ZBTB40: variants seen among roughly 807,000 people sequenced by gnomAD.
ZBTB40 encodes the protein zinc finger and BTB domain-containing protein 40.
In ZBTB40, 60 loss-of-function variants were observed where a neutral mutation model predicts 117.5. That is an observed-to-expected ratio of 0.51 (90% CI 0.41 to 0.63). ZBTB40 has a LOEUF of 0.63. ZBTB40 is among the 30% of genes least tolerant of loss of function. The pLI, the probability that ZBTB40 is intolerant of heterozygous loss-of-function variation, is 0.00. For missense variants in ZBTB40, 1,287 were observed against 1,498.5 expected, an observed-to-expected ratio of 0.86 and a Z score of 2.33; for synonymous variants, 525 against 577.1, an observed-to-expected ratio of 0.91 and a Z score of 1.29.
chr1:22,500,678 A>C (rs749609695), intron 3 of ZBTB40, among the ~76,000 whole-genome samples: 13 of 152,222 alleles, frequency 8.5e-5, no homozygotes, highest in Non-Finnish European at 1.3e-4. Context: ...AGCCAGAGGC[A>C]AGGCTTGTTG....
intron 1 of ZBTB40, among the ~76,000 whole-genome samples, chr1:22,480,654 T>C (rs1638277833): frequency 6.6e-6 from 1 of 152,168 alleles, no homozygotes; most frequent in Non-Finnish European, 1.5e-5. Context: ...CCTGCCCTTT[T>C]CTGTGTTTTT....
intron 1 of ZBTB40, among the ~76,000 whole-genome samples, chr1:22,468,473 T>C (rs934279182): frequency 2.5e-5 from 3 of 118,284 alleles, no homozygotes; most frequent in Non-Finnish European, 3.5e-5. Context: ...TCCTTTTTTT[T>C]TTTTTTTTTT....
In ZBTB40 at chr1:22,526,841, G is replaced by A. The variant is rs537282890; in HGVS notation, c.*445G>A. The A allele has an allele frequency of 3.6e-6, 1 of 281,178 alleles. No homozygotes were observed. The highest frequency in any genetic ancestry group is 9.2e-5 in the East Asian group (1 of 10,848). 17.4% of individuals were successfully genotyped at this position (281,178 alleles called of 1,614,324 possible). ...GCTGCAAATGCTGCCACTGCCTCTG[G>A]CCATTTAAAGTGAGAGGGGCACCAA... On this transcript the variant is annotated 3_prime_UTR_variant, in exon 18 of 18. Coordinates refer to ENST00000375647, the MANE Select transcript of ZBTB40 (RefSeq NM_014870.4).
chr1:22,522,529 C>T (rs1639560458), intron 16 of ZBTB40, 66 bp downstream of exon 16: 23 of 1,495,222 alleles, frequency 1.5e-5, no homozygotes, highest in Non-Finnish European at 2.1e-5. Flanking sequence ...CCACCACTTG[C>T]AGCTTTGCAA....
chr1:22,456,573 C>T (rs1641009452), intron 1 of ZBTB40, among the ~76,000 whole-genome samples: 1 of 152,148 alleles, frequency 6.6e-6, no homozygotes, highest in African/African-American at 2.4e-5. Flanking sequence ...AGGTGCAGAA[C>T]CAACAATGAA....
At chr1:22,458,508 A>G (rs1480109927) in intron 1 of ZBTB40, among the ~76,000 whole-genome samples, 3 of 151,734 alleles carry the variant, frequency 2.0e-5, no homozygotes, top group Non-Finnish European at 4.4e-5. Flanking sequence ...GCTGGTATCA[A>G]CCAGGCCAGT....
At chr1:22,437,066 A>G (rs915851224) in intron 1 of ZBTB40, among the ~76,000 whole-genome samples, 1 of 152,166 alleles carries the variant, frequency 6.6e-6, no homozygotes, top group Admixed American at 6.6e-5. Context: ...CCAAGCTGGC[A>G]TGTAAGAAAC....
chr1:22,443,529 G>A (rs1037531016), intron 1 of ZBTB40, among the ~76,000 whole-genome samples: 1 of 152,224 alleles, frequency 6.6e-6, no homozygotes, highest in Non-Finnish European at 1.5e-5. Context: ...TAAGATAAGA[G>A]TAGTTGTTCT....
intron 12 of ZBTB40, among the ~76,000 whole-genome samples, chr1:22,515,202 G>A (rs181810804): frequency 2.0e-5 from 3 of 152,278 alleles, no homozygotes; most frequent in African/African-American, 7.2e-5. Flanking sequence ...GTGGAAACGA[G>A]CTTTACCTGC....
chr1:22,478,526 G>A (rs973264823), intron 1 of ZBTB40, among the ~76,000 whole-genome samples: 6 of 152,184 alleles, frequency 3.9e-5, no homozygotes, highest in Non-Finnish European at 7.3e-5. Flanking sequence ...GGATTAAGGC[G>A]TGAGCCACCG....
Position 22,511,934 on chromosome 1 carries a change from A to G in ZBTB40, c.2261A>G (p.His754Arg). The G allele has an allele frequency of 6.2e-7, 1 of 1,614,238 alleles. No homozygotes were observed. Among genetic ancestry groups the G allele is most frequent in the Non-Finnish European group, 8.5e-7 (1 of 1,180,036 alleles). The change falls in exon 11 of 18, where the codon CAC becomes CGC. Residue 754 changes from histidine to arginine, a missense_variant. Physicochemically the swap from His to Arg is conservative, Grantham distance 29. This residue lies in a region of ZBTB40 where 870 missense variants were observed against 934.4 expected (regional missense o/e 0.93). Coordinates refer to ENST00000375647, the MANE Select transcript of ZBTB40 (RefSeq NM_014870.4). ...SFHFYCRLKVHMKRCRVAKSK... is the reference protein window; with the variant it reads ...SFHFYCRLKVRMKRCRVAKSK... ...CATTTCTACTGCCGCCTAAAGGTGC[A>G]CATGAAGCGCTGCCGGGTGGCTAAG... is the stretch of plus-strand genomic sequence containing the variant.
intron 3 of ZBTB40, among the ~76,000 whole-genome samples, chr1:22,492,054 G>A (rs965913056): frequency 3.9e-5 from 6 of 152,052 alleles, no homozygotes; most frequent in Non-Finnish European, 8.8e-5. Flanking sequence ...ATGTGTTACC[G>A]CATTTAATTT....
intron 1 of ZBTB40, among the ~76,000 whole-genome samples, chr1:22,483,970 T>C (rs1025921646): frequency 2.0e-5 from 3 of 152,236 alleles, no homozygotes; most frequent in Admixed American, 2.0e-4. Context: ...CGTATGTGAA[T>C]GTCCAGTTGG....
rs1639155655 is a variant in ZBTB40, at chr1:22,509,033, G to A, written c.1700-67G>A. 6 of 1,612,890 alleles carry A rather than the reference G, an allele frequency of 3.7e-6. No homozygotes were observed. In the Admixed American group the frequency reaches 1.0e-4, roughly 27 times the overall value. On this transcript the variant is annotated intron_variant, in intron 8 of 17. Transcript: ENST00000375647. Reference sequence around the variant, plus strand: ...TTTTCATTATGAAGAGTTGAGTGGAGGAAGGGTGTAGGAAAAAATGGTGCT... The same window carrying A: ...TTTTCATTATGAAGAGTTGAGTGGAAGAAGGGTGTAGGAAAAAATGGTGCT...
intron 1 of ZBTB40, among the ~76,000 whole-genome samples, chr1:22,443,801 T>C (rs963302566): frequency 2.0e-5 from 3 of 152,176 alleles, no homozygotes; most frequent in Admixed American, 2.0e-4. Flanking sequence ...ATCTGTCAGG[T>C]GATGTCAGGT....
intron 12 of ZBTB40, among the ~76,000 whole-genome samples, chr1:22,516,554 T>C (rs180852182): frequency 2.0e-5 from 3 of 152,150 alleles, no homozygotes; most frequent in African/African-American, 7.2e-5. Context: ...ACCCTTTTTT[T>C]CCTAACAGAG....
At chr1:22,526,164 AC>A in intron 17 of ZBTB40, 37 bp from the exon 18 acceptor site, 1 of 1,611,744 alleles carries the variant, frequency 6.2e-7, no homozygotes, top group Non-Finnish European at 8.5e-7. Context: ...CCAACTGTGA[AC>A]ACTGCCCAGA....
chr1:22,524,659 A>C (rs574283957), intron 17 of ZBTB40, among the ~76,000 whole-genome samples: 2 of 152,342 alleles, frequency 1.3e-5, no homozygotes, highest in African/African-American at 4.8e-5. Context: ...AATAATTTCC[A>C]AAAGAGGAAC....
intron 13 of ZBTB40, among the ~76,000 whole-genome samples, chr1:22,518,518 C>T (rs1157284204): frequency 1.3e-5 from 2 of 151,968 alleles, no homozygotes. Context: ...TTTTGCATGC[C>T]CTGCATCTCA....
Sources: allele counts gnomAD v4.1 joint callset (sites outside exome capture counted in the v4.1 genomes callset), GRCh38; gene constraint gnomAD v4.1.1; regional missense constraint gnomAD v4.1.1; transcripts MANE v1.5; gene names NCBI Gene and HGNC (gene_info 2026-07-23, HGNC 2026-07-21).